MYO5B: variants seen among roughly 807,000 people sequenced by gnomAD.
MYO5B encodes the protein myosin VB, also known as unconventional myosin-Vb.
Under a neutral mutation model 229.3 loss-of-function variants are expected in MYO5B, and 143 were observed. The observed-to-expected ratio is 0.62, with a 90% CI of 0.54 to 0.72. The LOEUF (loss-of-function observed/expected upper bound fraction) is 0.72. Ranked by LOEUF, MYO5B falls within the 30% of genes least tolerant of loss-of-function variation. The pLI is 0.00. For missense variants in MYO5B, 2,321 were observed against 2,331.0 expected, an observed-to-expected ratio of 1.00 and a Z score of 0.09; for synonymous variants, 918 against 885.2, an observed-to-expected ratio of 1.04 and a Z score of -0.66.
chr18:49,876,626 G>C (rs914491476), intron 25 of MYO5B, among the ~76,000 whole-genome samples: 1 of 152,212 alleles, frequency 6.6e-6, no homozygotes, highest in Non-Finnish European at 1.5e-5. Context: ...CAATGCTTAT[G>C]TCTACATGTA....
At chr18:49,896,131 A>T (rs921728339) in intron 21 of MYO5B, among the ~76,000 whole-genome samples, 1 of 152,212 alleles carries the variant, frequency 6.6e-6, no homozygotes, top group Non-Finnish European at 1.5e-5. Context: ...AACTTCACAG[A>T]AAACAGTGAA....
At chr18:50,049,332 G>C (rs866664875) in intron 2 of MYO5B, among the ~76,000 whole-genome samples, 1 of 152,104 alleles carries the variant, frequency 6.6e-6, no homozygotes, top group Non-Finnish European at 1.5e-5. Flanking sequence ...GTAATTAGAA[G>C]AAAAGTCTAT....
At chr18:49,950,972 G>A (rs1319512876) in intron 14 of MYO5B, among the ~76,000 whole-genome samples, 1 of 152,150 alleles carries the variant, frequency 6.6e-6, no homozygotes, top group African/African-American at 2.4e-5. Context: ...AATTTATGTT[G>A]AGCATCTGCT....
chr18:50,040,326 C>G lies in MYO5B; in HGVS notation c.139-12G>C. The G allele has an allele frequency of 1.9e-6, 3 of 1,613,556 alleles. No homozygotes were observed. The South Asian group carries it at 3.3e-5, about 18-fold the overall frequency. ...GGGTATTCCAGAATCTAAAGACATGCAAGTAGCAGACACAAAAAGGTGGTT... is the reference window on the plus strand; with the variant it reads ...GGGTATTCCAGAATCTAAAGACATGGAAGTAGCAGACACAAAAAGGTGGTT... On this transcript the variant is annotated splice_polypyrimidine_tract_variant and intron_variant, in intron 2 of 39. Coordinates refer to ENST00000285039, the MANE Select transcript of MYO5B (RefSeq NM_001080467.3).
chr18:49,882,713 G>T (rs1027858987), intron 22 of MYO5B, among the ~76,000 whole-genome samples: 2 of 148,876 alleles, frequency 1.3e-5, no homozygotes, highest in Non-Finnish European at 1.5e-5. Context: ...CCAAGCAGAA[G>T]TCACTGCATA....
chr18:50,120,180 T>C (rs2032034625), intron 1 of MYO5B, among the ~76,000 whole-genome samples: 1 of 152,264 alleles, frequency 6.6e-6, no homozygotes, highest in South Asian at 2.1e-4. Context: ...TCAATTTTAA[T>C]GCCTTTTGGG....
In MYO5B at chr18:50,112,866, T is replaced by C. The variant is rs543862132; in HGVS notation, c.28-57488A>G. Among the ~76,000 whole-genome samples the C allele has an allele frequency of 7.9e-5, 12 of 152,302 alleles. No homozygotes were observed. The South Asian group carries it at 2.5e-3, about 32-fold the overall frequency. ...TTATACTTTCAACACAGCAACGTAT[T>C]TTAAAAAAAATTGGGTCATTTATTT... On this transcript the variant is annotated intron_variant, in intron 1 of 39. Coordinates refer to ENST00000285039, the MANE Select transcript of MYO5B (RefSeq NM_001080467.3).
intron 17 of MYO5B, among the ~76,000 whole-genome samples, chr18:49,922,682 A>G (rs1383349526): frequency 6.6e-6 from 1 of 152,044 alleles, no homozygotes; most frequent in Admixed American, 6.6e-5. Flanking sequence ...TCTAGATCTA[A>G]TTCCACACAT....
intron 39 of MYO5B, among the ~76,000 whole-genome samples, chr18:49,832,604 C>T (rs2023936727): frequency 6.6e-6 from 1 of 152,210 alleles, no homozygotes; most frequent in Non-Finnish European, 1.5e-5. Flanking sequence ...TGGAGCATGG[C>T]ACTGTAAGAT....
intron 16 of MYO5B, among the ~76,000 whole-genome samples, chr18:49,933,576 C>T (rs2025217673): frequency 6.6e-6 from 1 of 152,212 alleles, no homozygotes; most frequent in African/African-American, 2.4e-5. Flanking sequence ...CCCAAGAGAA[C>T]ATTTGGCAAT....
Position 50,037,742 on chromosome 18 carries a change from A to T in MYO5B, c.311-748T>A, listed in dbSNP as rs556285980. On this transcript the variant is annotated intron_variant, in intron 3 of 39. Coordinates refer to ENST00000285039, the MANE Select transcript of MYO5B (RefSeq NM_001080467.3). ...CAGTGAGACCTCTTCTCTACAAAAAAAGTATTAGCTGGGCATGGTGGCATG... is the reference window on the plus strand; with the variant it reads ...CAGTGAGACCTCTTCTCTACAAAAATAGTATTAGCTGGGCATGGTGGCATG... Among the ~76,000 whole-genome samples the T allele has an allele frequency of 4.6e-5, 7 of 152,288 alleles. No homozygotes were observed. In the East Asian group the frequency reaches 1.4e-3, roughly 29 times the overall value.
At chr18:50,057,708 T>C (rs1427076413) in intron 1 of MYO5B, among the ~76,000 whole-genome samples, 2 of 152,184 alleles carry the variant, frequency 1.3e-5, no homozygotes, top group East Asian at 3.9e-4. Flanking sequence ...GCTTCTCATA[T>C]TGTCCCATAC....
chr18:50,157,688 G>A (rs556664749), intron 1 of MYO5B, among the ~76,000 whole-genome samples: 4 of 152,180 alleles, frequency 2.6e-5, no homozygotes, highest in East Asian at 1.9e-4. Context: ...ACAAAATGTG[G>A]CCCCGTTAGT....
rs560483891 is a variant in MYO5B at position 50,186,754 on chromosome 18, A to G, written c.27+8013T>C. Among the ~76,000 whole-genome samples, 55 of 152,304 alleles carry G rather than the reference A, an allele frequency of 3.6e-4. 1 individual carries two copies. The South Asian group carries it at 0.011, about 32-fold the overall frequency. ...ATTATAAGCCTCCAGTAACCTTCCC[A>G]TGGTGCAGGTACCACCCCAATTCTT... On this transcript the variant is annotated intron_variant, in intron 1 of 39. Transcript: ENST00000285039.
At chr18:49,985,594 A>C (rs1309102237) in intron 7 of MYO5B, among the ~76,000 whole-genome samples, 1 of 152,202 alleles carries the variant, frequency 6.6e-6, no homozygotes, top group African/African-American at 2.4e-5. Context: ...AATCGAAGTT[A>C]CCCTTAAAAA....
intron 7 of MYO5B, among the ~76,000 whole-genome samples, chr18:49,988,396 A>G (rs2025894386): frequency 1.3e-5 from 2 of 152,192 alleles, no homozygotes; most frequent in African/African-American, 4.8e-5. Flanking sequence ...GGGCACATGA[A>G]GGTGAAAGAG....
intron 1 of MYO5B, among the ~76,000 whole-genome samples, chr18:50,095,184 C>T (rs1462074802): frequency 6.6e-6 from 1 of 152,206 alleles, no homozygotes; most frequent in Non-Finnish European, 1.5e-5. Context: ...CCCTCACCAA[C>T]GATCTTGAGT....
At chr18:49,870,402 C>T (rs2024444070) in intron 27 of MYO5B, among the ~76,000 whole-genome samples, 1 of 152,116 alleles carries the variant, frequency 6.6e-6, no homozygotes, top group Non-Finnish European at 1.5e-5. Flanking sequence ...AAACATGACA[C>T]CAAAGGCACA....
intron 18 of MYO5B, among the ~76,000 whole-genome samples, chr18:49,911,471 G>C (rs535981874): frequency 6.6e-6 from 1 of 152,126 alleles, no homozygotes; most frequent in African/African-American, 2.4e-5. Flanking sequence ...ATAAAGAAAG[G>C]CAGAGTAGTT....
Sources: gnomAD v4.1 joint callset for allele counts (sites outside exome capture counted in the v4.1 genomes callset) on GRCh38, gnomAD v4.1.1 for gene constraint, MANE v1.5 for transcripts, NCBI Gene and HGNC (gene_info 2026-07-23, HGNC 2026-07-21) for gene names.